The following CIP2A variants were observed in gnomAD, a reference collection of about 807,000 sequenced individuals.
CIP2A encodes the protein protein CIP2A.
A neutral mutation model predicts 110.9 loss-of-function variants in CIP2A; 103 were observed. The ratio of observed to expected loss-of-function variants is 0.93; its 90% CI spans 0.79 to 1.09. The LOEUF is 1.09. CIP2A is among the 50% of genes least tolerant of loss of function. The probability of loss-of-function intolerance (pLI) is 0.00; values close to 1 mark genes in which losing one functional copy is unlikely to be tolerated. For synonymous variants in CIP2A, 381 were observed against 361.6 expected (o/e 1.05, Z -0.61); for missense variants, 1,088 against 1,038.4 (o/e 1.05, Z -0.66).
chr3:108,560,369 C>T (rs2969903), intron 14 of CIP2A, among the ~76,000 whole-genome samples: 23,090 of 151,972 alleles, frequency 0.15, 2,175 homozygotes, highest in Non-Finnish European at 0.22. Context: ...GACGGGGTTT[C>T]GCCATATTGC....
rs761716953 is a variant in CIP2A at position 108,557,434 on chromosome 3, T to C, written c.2014-20A>G. On this transcript the variant is annotated intron_variant, in intron 16 of 20. Coordinates refer to ENST00000295746, the MANE Select transcript of CIP2A (RefSeq NM_020890.3). ...CCGTGCCTCAAAAAAAAAAAGAAGA[T>C]AGACTTTACCACTATCATCTATATC... is the stretch of plus-strand genomic sequence containing the variant. 3 of 1,543,294 alleles carry C rather than the reference T, an allele frequency of 1.9e-6. No individual in the cohort carries two copies. Among genetic ancestry groups the C allele is most frequent in the Non-Finnish European group, 2.6e-6 (3 of 1,135,936 alleles).
chr3:108,585,466 T>C (rs1190281366), intron 1 of CIP2A, among the ~76,000 whole-genome samples: 1 of 152,168 alleles, frequency 6.6e-6, no homozygotes, highest in Non-Finnish European at 1.5e-5. Context: ...TAGTTTCTTA[T>C]ACCATCTCAG....
rs1471343881 is a variant in CIP2A at position 108,560,801 on chromosome 3, G to C, written c.1675C>G (p.Gln559Glu). ...TTTCTGGGTATATGTTCTGTTTCCTGTTGTCTATAGGCATTGTTTGCTGCT... is the reference window on the plus strand; with the variant it reads ...TTTCTGGGTATATGTTCTGTTTCCTCTTGTCTATAGGCATTGTTTGCTGCT... ...SIAANNAYRQ[Q>E]ETEHIPRKMP... The change falls in exon 14 of 21, where the codon CAG becomes GAG. Residue 559 changes from glutamine to glutamate, a missense_variant. Physicochemically the swap from Gln to Glu is conservative, Grantham distance 29. Transcript: ENST00000295746. 6.2e-7 allele frequency: 1 copy of C among 1,611,342 alleles called. No homozygotes were observed. Among genetic ancestry groups the C allele is most frequent in the East Asian group, 2.2e-5 (1 of 44,696 alleles).
At chr3:108,552,173 C>T (rs559007011) in intron 20 of CIP2A, 61 bp downstream of exon 20, 117 of 1,362,444 alleles carry the variant, frequency 8.6e-5, no homozygotes, top group Middle Eastern at 5.5e-4. Context: ...TATCCATATT[C>T]ACCCTTTTCA....
chr3:108,557,472 C>T, intron 16 of CIP2A, 58 bp from the exon 17 acceptor site: 1 of 1,269,820 alleles, frequency 7.9e-7, no homozygotes, highest in Non-Finnish European at 1.1e-6. Context: ...ATGCTCAACA[C>T]ATACCTACAA....
In CIP2A at chr3:108,583,102, G is replaced by A; in HGVS notation, c.251-19C>T. On this transcript the variant is annotated intron_variant, in intron 2 of 20. Transcript: ENST00000295746. Reference sequence around the variant, plus strand: ...TCTACTGCTATAAGTTAAAATAAAAGCACAAAATATATCATTTTCTTACAA... The same window carrying A: ...TCTACTGCTATAAGTTAAAATAAAAACACAAAATATATCATTTTCTTACAA... 2 of 1,353,622 alleles carry A rather than the reference G, an allele frequency of 1.5e-6. No individual in the cohort carries two copies. Among genetic ancestry groups the A allele is most frequent in the Non-Finnish European group, 2.1e-6 (2 of 970,220 alleles). 83.9% of individuals were successfully genotyped at this position (1,353,622 alleles called of 1,614,324 possible).
intron 3 of CIP2A, among the ~76,000 whole-genome samples, chr3:108,582,765 T>C (rs1191107658): frequency 6.6e-6 from 1 of 152,224 alleles, no homozygotes; most frequent in Non-Finnish European, 1.5e-5. Context: ...TTGTTTTTCT[T>C]CAATAGTGGT....
chr3:108,557,491 T>G (rs1937850996), intron 16 of CIP2A, 77 bp from the exon 17 acceptor site: 13 of 1,095,090 alleles, frequency 1.2e-5, no homozygotes, highest in Non-Finnish European at 1.6e-5. Flanking sequence ...AATTTAAAAG[T>G]TTACTAAGTA....
rs1481117518 is a variant in CIP2A, at chr3:108,565,422, A to G, written c.1448T>C (p.Leu483Pro). The G allele has an allele frequency of 1.3e-5, 20 of 1,597,648 alleles. No individual in the cohort carries two copies. The highest frequency in any genetic ancestry group is 1.5e-5 in the Non-Finnish European group (18 of 1,171,682). Residue 483 changes from leucine to proline, a missense_variant, in exon 12 of 21, where the codon CTT becomes CCT. Transcript: ENST00000295746. ...KLAADVILKT[L>P]DLINKLKPLV... ...TGGTTTAAGTTTGTTAATCAAATCA[A>G]GAGTTTTCAAAATTACATCAGCAGC...
At chr3:108,580,721 C>T (rs1404225916) in intron 5 of CIP2A, among the ~76,000 whole-genome samples, 1 of 151,938 alleles carries the variant, frequency 6.6e-6, no homozygotes, top group Non-Finnish European at 1.5e-5. Flanking sequence ...CTCCACCTCC[C>T]GGGTTCAAGC....
intron 5 of CIP2A, 81 bp from the exon 6 acceptor site, chr3:108,579,769 G>T: frequency 1.3e-6 from 1 of 749,950 alleles, no homozygotes; most frequent in South Asian, 3.7e-5. Context: ...GCACAGAGTG[G>T]GCAAACTTTT....
intron 10 of CIP2A, among the ~76,000 whole-genome samples, chr3:108,567,843 C>A (rs72943543): frequency 0.036 from 5,524 of 151,786 alleles, 336 homozygotes; most frequent in African/African-American, 0.12. Flanking sequence ...CATGGAGTAA[C>A]AGAATAGTCA....
rs553953882 is a variant in CIP2A, at chr3:108,573,231, T to A, written c.894+3040A>T. On this transcript the variant is annotated intron_variant, in intron 8 of 20. Coordinates refer to ENST00000295746, the MANE Select transcript of CIP2A (RefSeq NM_020890.3). The stretch of plus-strand genomic sequence containing the variant: ...ATTTTTGCAGTATGTTCATGAAAGA[T>A]ATTGAGCTATAATTTTCATTTGTTG... Among the ~76,000 whole-genome samples the A allele has an allele frequency of 5.9e-5, 9 of 152,126 alleles. No individual in the cohort carries two copies. In the South Asian group the frequency reaches 1.7e-3, roughly 28 times the overall value.
chr3:108,566,381 T>C (rs1185795479), intron 11 of CIP2A, 116 bp downstream of exon 11: 2 of 701,908 alleles, frequency 2.8e-6, no homozygotes, highest in African/African-American at 3.7e-5. Context: ...ATATGTTTGT[T>C]AATCTGTTAT....
At chr3:108,581,560 A>G in intron 4 of CIP2A, 49 bp from the exon 5 acceptor site, 1 of 1,100,402 alleles carries the variant, frequency 9.1e-7, no homozygotes, top group South Asian at 1.3e-5. Context: ...AGTAAAAGAA[A>G]AAAAGCATTA....
intron 17 of CIP2A, among the ~76,000 whole-genome samples, chr3:108,555,100 C>A (rs952461884): frequency 4.6e-5 from 7 of 152,188 alleles, no homozygotes; most frequent in African/African-American, 1.7e-4. Flanking sequence ...CTGACCATTA[C>A]AAATGACCTT....
At position 108,556,009 on chromosome 3, in the gene CIP2A, T is replaced by G. The variant is rs78067932; in HGVS notation, c.2210+1209A>C. Reference sequence around the variant, plus strand: ...GTGCAGATACCTGGTTTTACTGTATTGAGCAAATGGAACCCATTTCAGTTC... The same window carrying G: ...GTGCAGATACCTGGTTTTACTGTATGGAGCAAATGGAACCCATTTCAGTTC... On this transcript the variant is annotated intron_variant, in intron 17 of 20. Coordinates refer to ENST00000295746, the MANE Select transcript of CIP2A (RefSeq NM_020890.3). Among the ~76,000 whole-genome samples, 1,062 of 152,274 alleles carry G rather than the reference T, an allele frequency of 7.0e-3. 5 individuals carry two copies. Among genetic ancestry groups the G allele is most frequent in the African/African-American group, 0.024 (1,000 of 41,574 alleles).
chr3:108,558,007 T>C (rs1702016616), intron 16 of CIP2A, among the ~76,000 whole-genome samples: 2 of 152,156 alleles, frequency 1.3e-5, no homozygotes, highest in African/African-American at 2.4e-5. Context: ...TTTCTCTGTT[T>C]TTACGACTTT....
Position 108,554,413 on chromosome 3 carries a change from T to A in CIP2A, c.2287A>T (p.Lys763Ter). 6.4e-7 allele frequency: 1 copy of A among 1,557,502 alleles called. No individual in the cohort carries two copies. The highest frequency in any genetic ancestry group is 8.8e-7 in the Non-Finnish European group (1 of 1,133,556). ...DSLNKQIETV[K>*]KLNESLKEQN... ...TCCTTGAGTGACTCATTCAACTTTT[T>A]CACTGTCTCAATTTGTTTATTCAGA... Residue 763 changes from lysine to a stop codon, truncating the protein, a stop_gained, in exon 18 of 21, where the codon AAA becomes TAA. Transcript: ENST00000295746. LOFTEE classifies it high-confidence loss of function.
Sources: allele counts gnomAD v4.1 joint callset (sites outside exome capture counted in the v4.1 genomes callset), GRCh38; gene constraint gnomAD v4.1.1; transcripts MANE v1.5; gene names NCBI Gene and HGNC (gene_info 2026-07-23, HGNC 2026-07-21).